Variants in BMAL1 observed in about 807,000 individuals in gnomAD.
BMAL1 encodes basic helix-loop-helix ARNT like 1, also known as basic helix-loop-helix ARNT-like protein 1.
chr11:13,342,043 G>A, the BMAL1 span, among the ~76,000 whole-genome samples: 1 of 152,240 alleles, frequency 6.6e-6, no homozygotes, highest in African/African-American at 2.4e-5. Flanking sequence ...GGGTGCCGGA[G>A]TGCAGAGGGG....
At chr11:13,345,669 C>A in the BMAL1 span, among the ~76,000 whole-genome samples, 1 of 152,134 alleles carries the variant, frequency 6.6e-6, no homozygotes, top group Non-Finnish European at 1.5e-5. Context: ...GTTTCATCCC[C>A]ACTTGCTAGC....
chr11:13,299,001 T>C, the BMAL1 span, among the ~76,000 whole-genome samples: 1 of 152,284 alleles, frequency 6.6e-6, no homozygotes, highest in Non-Finnish European at 1.5e-5. Context: ...CCAGCTGGCA[T>C]GTGGTAGGAG....
the BMAL1 span, among the ~76,000 whole-genome samples, chr11:13,355,479 A>T: frequency 6.6e-6 from 1 of 152,214 alleles, no homozygotes; most frequent in Non-Finnish European, 1.5e-5. Flanking sequence ...GGCCTCTGTC[A>T]TCTGGACCTG....
the BMAL1 span, chr11:13,354,521 C>T: frequency 3.2e-6 from 5 of 1,554,294 alleles, no homozygotes; most frequent in Non-Finnish European, 4.4e-6. Context: ...ATCTAGCAGC[C>T]AGCTACTGTT....
At chr11:13,300,179 C>T in the BMAL1 span, among the ~76,000 whole-genome samples, 7 of 152,040 alleles carry the variant, frequency 4.6e-5, no homozygotes, top group South Asian at 2.1e-4. Context: ...CTAAAATGGC[C>T]GTATAATATT....
At chr11:13,278,190 G>C in the BMAL1 span, among the ~76,000 whole-genome samples, 1 of 152,216 alleles carries the variant, frequency 6.6e-6, no homozygotes, top group Non-Finnish European at 1.5e-5. Flanking sequence ...GCGGGCTAGG[G>C]CAGGCAGAGG....
chr11:13,343,825 G>T, the BMAL1 span, among the ~76,000 whole-genome samples: 1 of 152,050 alleles, frequency 6.6e-6, no homozygotes, highest in African/African-American at 2.4e-5. Flanking sequence ...CGATATTGGG[G>T]GTCTTTTCCA....
chr11:13,371,052 A>G, the BMAL1 span, among the ~76,000 whole-genome samples: 1 of 152,102 alleles, frequency 6.6e-6, no homozygotes, highest in African/African-American at 2.4e-5. Flanking sequence ...ACTTGCTGTT[A>G]TATAGTTATT....
chr11:13,290,675 C>T, the BMAL1 span, among the ~76,000 whole-genome samples: 140,438 of 151,910 alleles, frequency 0.92, 65,376 homozygotes, highest in East Asian at 1. Context: ...ATTCAGTCTT[C>T]ACAGTATTCA....
At chr11:13,279,407 A>G in the BMAL1 span, among the ~76,000 whole-genome samples, 2 of 152,188 alleles carry the variant, frequency 1.3e-5, no homozygotes, top group South Asian at 4.1e-4. Flanking sequence ...CCTTTAATCT[A>G]TTATTAAATG....
At chr11:13,311,146 T>C in the BMAL1 span, among the ~76,000 whole-genome samples, 1 of 152,210 alleles carries the variant, frequency 6.6e-6, no homozygotes, top group Non-Finnish European at 1.5e-5. Context: ...GTTTTAGATA[T>C]GTTGAATTCA....
the BMAL1 span, among the ~76,000 whole-genome samples, chr11:13,287,737 C>G: frequency 2.6e-5 from 4 of 152,324 alleles, no homozygotes; most frequent in African/African-American, 9.6e-5. Flanking sequence ...CCCTGCCCTG[C>G]TGATGTTCAT....
At chr11:13,304,424 C>G in the BMAL1 span, among the ~76,000 whole-genome samples, 1 of 152,198 alleles carries the variant, frequency 6.6e-6, no homozygotes, top group South Asian at 2.1e-4. Flanking sequence ...GAGTATTAGT[C>G]TCACTTCCTA....
At chr11:13,377,841 C>T in the BMAL1 span, among the ~76,000 whole-genome samples, 1 of 152,250 alleles carries the variant, frequency 6.6e-6, no homozygotes, top group Non-Finnish European at 1.5e-5. Context: ...GCTTTCTCCT[C>T]CTTACCTCTC....
the BMAL1 span, among the ~76,000 whole-genome samples, chr11:13,368,549 A>G: frequency 1.5e-3 from 229 of 152,288 alleles, no homozygotes; most frequent in Middle Eastern, 3.4e-3. Flanking sequence ...AGAGCTGGCA[A>G]TGTGGGAGGT....
chr11:13,279,925 G>T, the BMAL1 span, among the ~76,000 whole-genome samples: 1 of 152,242 alleles, frequency 6.6e-6, no homozygotes, highest in South Asian at 2.1e-4. Flanking sequence ...TAACCTGGGA[G>T]TTAGGAGCTG....
chr11:13,329,256 AC>A, the BMAL1 span, among the ~76,000 whole-genome samples: 2 of 151,572 alleles, frequency 1.3e-5, no homozygotes, highest in Admixed American at 6.6e-5. Context: ...ATGCTTTGTG[AC>A]CCCCCCGGTC....
chr11:13,292,360 G>A, the BMAL1 span, among the ~76,000 whole-genome samples: 2,174 of 151,712 alleles, frequency 0.014, 62 homozygotes, highest in African/African-American at 0.049. Flanking sequence ...CTGCTAGCAC[G>A]GTGAAACCCC....
the BMAL1 span, among the ~76,000 whole-genome samples, chr11:13,293,282 G>C: frequency 1.4e-4 from 22 of 152,356 alleles, no homozygotes; most frequent in East Asian, 4.2e-3. Context: ...CAGTGTGACT[G>C]AATCAGTAGA....
Sources: gnomAD v4.1 joint callset for allele counts (sites outside exome capture counted in the v4.1 genomes callset) on GRCh38, gnomAD v4.1.1 for gene constraint, MANE v1.5 for transcripts, NCBI Gene and HGNC (gene_info 2026-07-23, HGNC 2026-07-21) for gene names.